Variants in RORA observed in about 807,000 individuals in gnomAD.
The protein encoded by RORA is RAR related orphan receptor A.
Under a neutral mutation model 69.5 loss-of-function variants are expected in RORA, and 7 were observed. The ratio of observed to expected loss-of-function variants is 0.10; its 90% CI spans 0.06 to 0.19. The LOEUF is 0.19. Ranked by LOEUF, RORA falls within the 10% of genes least tolerant of loss-of-function variation. The probability of loss-of-function intolerance (pLI) is 1.00; values close to 1 mark genes in which losing one functional copy is unlikely to be tolerated. For missense variants in RORA, 457 were observed against 663.0 expected (o/e 0.69, Z 3.41); for synonymous variants, 261 against 240.8 (o/e 1.08, Z -0.78).
intron 1 of RORA, among the ~76,000 whole-genome samples, chr15:60,909,476 A>C (rs1426278809): frequency 1.3e-5 from 2 of 152,200 alleles, no homozygotes; most frequent in African/African-American, 2.4e-5. Context: ...TCTTCTCTCA[A>C]ACATAGCCTT....
In RORA at chr15:61,040,030, T is replaced by C. The variant is rs1010569943; in HGVS notation, c.166+189023A>G. Among the ~76,000 whole-genome samples, 8 of 146,856 alleles carry C rather than the reference T, an allele frequency of 5.4e-5. No homozygotes were observed. The East Asian group carries it at 6.1e-4, about 11-fold the overall frequency. On this transcript the variant is annotated intron_variant, in intron 1 of 10. Transcript: ENST00000335670. ...GATGGTAGTTTTCCAATTACATTCCTCCCCAAACATTCCAACTTCGTAAAT... is the reference window on the plus strand; with the variant it reads ...GATGGTAGTTTTCCAATTACATTCCCCCCCAAACATTCCAACTTCGTAAAT...
At chr15:60,760,497 C>A (rs1341740857) in intron 1 of RORA, among the ~76,000 whole-genome samples, 2 of 152,114 alleles carry the variant, frequency 1.3e-5, no homozygotes, top group African/African-American at 4.8e-5. Context: ...AAAGCCCTTT[C>A]TCCCATAGTT....
In RORA at chr15:61,057,979, C is replaced by T. The variant is rs189097129; in HGVS notation, c.166+171074G>A. The stretch of plus-strand genomic sequence containing the variant: ...AGATCCTGTGGGACTAAGGATTTTG[C>T]GAGTCATTCTTACATGAGTGTGGCT... On this transcript the variant is annotated intron_variant, in intron 1 of 10. Transcript: ENST00000335670. Among the ~76,000 whole-genome samples, 25 of 152,274 alleles carry T rather than the reference C, an allele frequency of 1.6e-4. No individual in the cohort carries two copies. In the South Asian group the frequency reaches 3.7e-3, roughly 23 times the overall value.
At chr15:60,656,236 A>G (rs999166459) in intron 2 of RORA, among the ~76,000 whole-genome samples, 2 of 152,194 alleles carry the variant, frequency 1.3e-5, no homozygotes, top group African/African-American at 4.8e-5. Flanking sequence ...GAATTTCCCC[A>G]GATCACACAG....
At position 61,128,358 on chromosome 15, in the gene RORA, T is replaced by C. The variant is rs2079161245; in HGVS notation, c.166+100695A>G. ...AGAAAGAAAAAAAAAATCTAAACAG[T>C]ATATAAACTTAAAATCAGTCACATG... On this transcript the variant is annotated intron_variant, in intron 1 of 10. Coordinates refer to ENST00000335670, the MANE Select transcript of RORA (RefSeq NM_134261.3). This position sits in a 1 kb window ranked among gnomAD's most constrained non-coding sequence, Gnocchi z 4.5. Among the ~76,000 whole-genome samples, 1 of 152,068 alleles carries C rather than the reference T, an allele frequency of 6.6e-6. No homozygotes were observed. The highest frequency in any genetic ancestry group is 1.5e-5 in the Non-Finnish European group (1 of 68,010).
chr15:60,987,702 A>G (rs1894247776), intron 1 of RORA, among the ~76,000 whole-genome samples: 1 of 152,202 alleles, frequency 6.6e-6, no homozygotes, highest in Non-Finnish European at 1.5e-5. Context: ...ACAGAGATTC[A>G]GTTACACTGA....
intron 1 of RORA, among the ~76,000 whole-genome samples, chr15:60,725,875 T>G (rs1478714683): frequency 1.3e-5 from 2 of 152,300 alleles, no homozygotes; most frequent in East Asian, 3.9e-4. Context: ...GGAGGCCATA[T>G]AGAGCAGTCT....
chr15:60,721,122 T>A (rs2071288132), intron 1 of RORA, among the ~76,000 whole-genome samples: 1 of 152,104 alleles, frequency 6.6e-6, no homozygotes, highest in Non-Finnish European at 1.5e-5. Context: ...ATGCCTTCGT[T>A]TTAAAGGTCA....
At chr15:60,867,745 A>T (rs1303792290) in intron 1 of RORA, among the ~76,000 whole-genome samples, 2 of 152,198 alleles carry the variant, frequency 1.3e-5, no homozygotes, top group Admixed American at 6.5e-5. Context: ...AGATCCTATG[A>T]GAGAGTTTTC....
At chr15:60,724,159 C>G (rs1296306317) in intron 1 of RORA, among the ~76,000 whole-genome samples, 3 of 152,004 alleles carry the variant, frequency 2.0e-5, no homozygotes, top group African/African-American at 7.2e-5. Context: ...ACCTCAAATC[C>G]TCTTGGGAAA....
intron 1 of RORA, among the ~76,000 whole-genome samples, chr15:60,683,638 A>G (rs1354106477): frequency 3.0e-5 from 3 of 101,048 alleles, no homozygotes; most frequent in African/African-American, 1.2e-4. Flanking sequence ...TATTTTACCC[A>G]GATACACATA....
chr15:60,998,304 C>T (rs1259520424), intron 1 of RORA, among the ~76,000 whole-genome samples: 2 of 152,054 alleles, frequency 1.3e-5, no homozygotes, highest in Admixed American at 1.3e-4. Flanking sequence ...GCTGCGACTA[C>T]AGGCATGTAA....
Position 60,751,402 on chromosome 15 carries a change from T to C in RORA, c.167-72716A>G, listed in dbSNP as rs577133853. 3.3e-5 allele frequency among the ~76,000 whole-genome samples: 5 copies of C among 152,298 alleles called. No individual in the cohort carries two copies. The South Asian group carries it at 1.0e-3, about 32-fold the overall frequency. ...TAATTAAGCTTTGCTATTACAACAA[T>C]AAATAATAACAATGAGAATAATAAT... On this transcript the variant is annotated intron_variant, in intron 1 of 10. Transcript: ENST00000335670.
At chr15:61,064,787 T>C (rs371715288) in intron 1 of RORA, among the ~76,000 whole-genome samples, 8 of 152,164 alleles carry the variant, frequency 5.3e-5, no homozygotes, top group African/African-American at 1.9e-4. Context: ...CCCCATCCCC[T>C]TTCTTGGCAC....
At chr15:61,069,719 G>GA (rs5813066) in intron 1 of RORA, among the ~76,000 whole-genome samples, 35,778 of 146,982 alleles carry the variant, frequency 0.24, 4,734 homozygotes, top group East Asian at 0.42. Context: ...ATTGCTTGAG[G>GA]AAAAAAAAAA....
chr15:60,758,920 T>C (rs2071841266), intron 1 of RORA, among the ~76,000 whole-genome samples: 1 of 152,202 alleles, frequency 6.6e-6, no homozygotes, highest in South Asian at 2.1e-4. Flanking sequence ...GTTACCATTT[T>C]ACAGACAAAG....
At chr15:61,148,558 T>C (rs1358551933) in intron 1 of RORA, among the ~76,000 whole-genome samples, 1 of 152,084 alleles carries the variant, frequency 6.6e-6, no homozygotes, top group African/African-American at 2.4e-5. Flanking sequence ...AGCAATAAAA[T>C]ACCTAATCAA....
chr15:60,505,440 A>G (rs1473634455), intron 6 of RORA, 68 bp downstream of exon 6: 1 of 1,532,506 alleles, frequency 6.5e-7, no homozygotes, highest in African/African-American at 1.4e-5. Context: ...CTCTTGACCA[A>G]CTTTCCTATA....
At chr15:60,858,968 C>T (rs1250258065) in intron 1 of RORA, among the ~76,000 whole-genome samples, 2 of 147,304 alleles carry the variant, frequency 1.4e-5, no homozygotes, top group Non-Finnish European at 3.0e-5. Context: ...TCTGTGCTTT[C>T]ATAGGCTTCA....
Sources: allele counts gnomAD v4.1 joint callset (sites outside exome capture counted in the v4.1 genomes callset), GRCh38; gene constraint gnomAD v4.1.1; non-coding constraint Gnocchi (gnomAD v3.1); transcripts MANE v1.5; gene names NCBI Gene and HGNC (gene_info 2026-07-23, HGNC 2026-07-21).